Variants in URAD observed in about 807,000 individuals in gnomAD.
URAD encodes ureidoimidazoline (2-oxo-4-hydroxy-4-carboxy-5-) decarboxylase.
In URAD, 4 loss-of-function variants were observed where a neutral mutation model predicts 4.6. The ratio of observed to expected loss-of-function variants is 0.87; its 90% CI spans 0.43 to 1.98. The LOEUF (loss-of-function observed/expected upper bound fraction) is 1.98. Ranked by LOEUF, URAD falls within the 30% of genes most tolerant of loss-of-function variation. The pLI is 0.03. For missense variants in URAD, 300 were observed against 255.3 expected (o/e 1.18, Z -1.19); for synonymous variants, 144 against 118.2 (o/e 1.22, Z -1.41).
intron 1 of URAD, among the ~76,000 whole-genome samples, chr13:27,982,363 G>A (rs949974520): frequency 1.3e-5 from 2 of 152,190 alleles, no homozygotes; most frequent in African/African-American, 4.8e-5. Context: ...GGAGGTTACA[G>A]TGAGCTGAGA....
At chr13:27,987,867 A>G (rs1440194698) in intron 1 of URAD, among the ~76,000 whole-genome samples, 1 of 151,728 alleles carries the variant, frequency 6.6e-6, no homozygotes, top group Non-Finnish European at 1.5e-5. Context: ...CATCAAGTAT[A>G]AGGAATTAGA....
Position 27,978,309 on chromosome 13 carries a change from G to C in URAD, c.319C>G (p.Leu107Val). 1 of 1,400,506 alleles carries C rather than the reference G, an allele frequency of 7.1e-7. No individual in the cohort carries two copies. Among genetic ancestry groups the C allele is most frequent in the Non-Finnish European group, 9.2e-7 (1 of 1,085,344 alleles). The allele number at this position is 1,400,506 out of a possible 1,614,324, so 86.8% of individuals were successfully genotyped here. Residue 107 changes from leucine (L) to valine (V), a missense_variant, in exon 2 of 2, where the codon CTC becomes GTC. Coordinates refer to ENST00000332715, the MANE Select transcript of URAD (RefSeq NM_001105577.2). ...AAGCGCGCGCGGTACTGCGCGTTGA[G>C]CTCGGCCAGCCGCAGCCGCTCGTCC... ...GADERLRLAELNAQYRARFGF... is the reference protein window; with the variant it reads ...GADERLRLAEVNAQYRARFGF...
intron 1 of URAD, 130 bp downstream of exon 1, chr13:27,988,333 C>T: frequency 1.1e-6 from 1 of 873,656 alleles, no homozygotes; most frequent in Non-Finnish European, 1.7e-6. Context: ...CTCAAGTGAT[C>T]CTCCCATCTC....
At position 27,984,414 on chromosome 13, in the gene URAD, T is replaced by G. The variant is rs1378555012; in HGVS notation, c.175+4049A>C. ...TGGCTGGAGAAGGTACTTTGCCCAA[T>G]AGCACTAGAGCTCAATATTAATCCT... On this transcript the variant is annotated intron_variant, in intron 1 of 1. Coordinates refer to ENST00000332715, the MANE Select transcript of URAD (RefSeq NM_001105577.2). Among the ~76,000 whole-genome samples the G allele has an allele frequency of 3.9e-5, 6 of 152,318 alleles. No homozygotes were observed. In the East Asian group the frequency reaches 1.2e-3, roughly 29 times the overall value.
chr13:27,987,387 A>C (rs895455783), intron 1 of URAD, among the ~76,000 whole-genome samples: 4 of 152,088 alleles, frequency 2.6e-5, no homozygotes, highest in Non-Finnish European at 5.9e-5. Context: ...CTCTCTCCAC[A>C]GAAGAAATCA....
In URAD at chr13:27,977,948, T is replaced by C. The variant is rs559832349; in HGVS notation, c.*158A>G. 2.5e-4 allele frequency: 144 copies of C among 585,684 alleles called. 1 individual carries two copies. In the South Asian group the frequency reaches 3.9e-3, roughly 16 times the overall value. The allele number at this position is 585,684 out of a possible 1,614,324, so 36.3% of individuals were successfully genotyped here. ...CGTGTGGGTGGGCGGACAAAAGGAC[T>C]CATTACTCGTATGATTGCCTCAATT... On this transcript the variant is annotated 3_prime_UTR_variant, in exon 2 of 2. Coordinates refer to ENST00000332715, the MANE Select transcript of URAD (RefSeq NM_001105577.2).
At chr13:27,986,623 C>T (rs573749112) in intron 1 of URAD, among the ~76,000 whole-genome samples, 84 of 152,344 alleles carry the variant, frequency 5.5e-4, no homozygotes, top group African/African-American at 1.8e-3. Context: ...AAATTATTCA[C>T]GCGATCCTAG....
chr13:27,984,932 T>C (rs1206282162), intron 1 of URAD, among the ~76,000 whole-genome samples: 2 of 152,088 alleles, frequency 1.3e-5, no homozygotes, highest in Non-Finnish European at 2.9e-5. Flanking sequence ...TGAGCTGAGA[T>C]TGTGCCACTG....
chr13:27,984,084 G>A (rs1161989356), intron 1 of URAD, among the ~76,000 whole-genome samples: 1 of 152,090 alleles, frequency 6.6e-6, no homozygotes, highest in African/African-American at 2.4e-5. Context: ...TTCTCGCTCT[G>A]TCATCCAGGC....
At chr13:27,982,378 G>A (rs535224745) in intron 1 of URAD, among the ~76,000 whole-genome samples, 5 of 152,144 alleles carry the variant, frequency 3.3e-5, no homozygotes, top group African/African-American at 7.2e-5. Context: ...CTGAGATTGC[G>A]CCACTGCACT....
chr13:27,980,619 C>T (rs1292872407), intron 1 of URAD, among the ~76,000 whole-genome samples: 3 of 152,196 alleles, frequency 2.0e-5, no homozygotes, highest in Admixed American at 2.0e-4. Flanking sequence ...CCCTCCCCAC[C>T]GTTGCATGCT....
At chr13:27,979,871 AT>A (rs1052711112) in intron 1 of URAD, among the ~76,000 whole-genome samples, 51 of 152,318 alleles carry the variant, frequency 3.3e-4, no homozygotes, top group African/African-American at 1.2e-3. Flanking sequence ...TGGGGGTAAC[AT>A]CCCCGTGTAA....
intron 1 of URAD, among the ~76,000 whole-genome samples, chr13:27,984,838 G>A (rs1055512800): frequency 2.0e-5 from 3 of 152,102 alleles, no homozygotes; most frequent in Non-Finnish European, 4.4e-5. Flanking sequence ...AATTAGCCGG[G>A]CATGGTGGTG....
At chr13:27,980,352 A>G (rs770095723) in intron 1 of URAD, among the ~76,000 whole-genome samples, 13 of 152,160 alleles carry the variant, frequency 8.5e-5, no homozygotes, top group Non-Finnish European at 1.3e-4. Context: ...TGAGAATTAA[A>G]TTCCCCACCT....
intron 1 of URAD, among the ~76,000 whole-genome samples, chr13:27,982,250 G>T (rs1869898480): frequency 6.6e-6 from 1 of 152,180 alleles, no homozygotes; most frequent in African/African-American, 2.4e-5. Flanking sequence ...CCAACGTGGT[G>T]AAACCTCGTC....
At position 27,978,070 on chromosome 13, in the gene URAD, C is replaced by G. The variant is rs746832930; in HGVS notation, c.*36G>C. 5 of 1,415,960 alleles carry G rather than the reference C, an allele frequency of 3.5e-6. No homozygotes were observed. The highest frequency in any genetic ancestry group is 4.6e-6 in the Non-Finnish European group (5 of 1,096,222). The allele number at this position is 1,415,960 out of a possible 1,614,324, so 87.7% of individuals were successfully genotyped here. A position where few individuals can be genotyped will look rare whatever the true frequency, so the allele number is the denominator to read the frequency against. ...CTCCGGGCCGTGGCCCCCGCGCGTC[C>G]GGTTGTGCGTCCCGGGTCCCTGGCC... is the stretch of plus-strand genomic sequence containing the variant. On this transcript the variant is annotated 3_prime_UTR_variant, in exon 2 of 2. Transcript: ENST00000332715.
At chr13:27,982,656 T>G (rs2036573968) in intron 1 of URAD, among the ~76,000 whole-genome samples, 2 of 152,186 alleles carry the variant, frequency 1.3e-5, no homozygotes, top group African/African-American at 4.8e-5. Context: ...CAAGCTCCTC[T>G]GTTTTGATGC....
intron 1 of URAD, among the ~76,000 whole-genome samples, chr13:27,982,420 C>CA (rs1197358772): frequency 2.0e-5 from 3 of 151,812 alleles, no homozygotes; most frequent in South Asian, 2.1e-4. Flanking sequence ...GACTCTGTCT[C>CA]AAAAAAAATG....
intron 1 of URAD, among the ~76,000 whole-genome samples, chr13:27,985,653 A>C (rs1870007264): frequency 6.6e-6 from 1 of 152,154 alleles, no homozygotes; most frequent in Non-Finnish European, 1.5e-5. Context: ...AAACCCTAAA[A>C]ACTGTTTCTA....
Sources: gnomAD v4.1 joint callset for allele counts (sites outside exome capture counted in the v4.1 genomes callset) on GRCh38, gnomAD v4.1.1 for gene constraint, MANE v1.5 for transcripts, NCBI Gene and HGNC (gene_info 2026-07-23, HGNC 2026-07-21) for gene names.